The following FGD2 variants were observed in gnomAD, a reference collection of about 807,000 sequenced individuals.
FGD2 encodes the protein FYVE, RhoGEF and PH domain-containing protein 2.
Under a neutral mutation model 75.9 loss-of-function variants are expected in FGD2, and 52 were observed. The observed-to-expected ratio is 0.69, with a 90% CI of 0.55 to 0.86. The LOEUF (loss-of-function observed/expected upper bound fraction) is 0.86. Ranked by LOEUF, FGD2 falls within the 40% of genes least tolerant of loss-of-function variation. The probability of loss-of-function intolerance (pLI) is 0.00; values close to 1 mark genes in which losing one functional copy is unlikely to be tolerated. For synonymous variants in FGD2, 347 were observed against 348.6 expected, an observed-to-expected ratio of 1.00 and a Z score of 0.05; for missense variants, 790 against 872.0, an observed-to-expected ratio of 0.91 and a Z score of 1.18.
intron 9 of FGD2, among the ~76,000 whole-genome samples, chr6:37,019,263 C>T (rs1401226117): frequency 6.6e-6 from 1 of 152,220 alleles, no homozygotes; most frequent in Non-Finnish European, 1.5e-5. Context: ...GCCTGTCATC[C>T]CTTGCACACA....
chr6:37,006,001 C>G, intron 1 of FGD2, 116 bp downstream of exon 1: 2 of 1,171,642 alleles, frequency 1.7e-6, no homozygotes, highest in Non-Finnish European at 1.2e-6. Flanking sequence ...GGGGCAGCCC[C>G]GCGTTCCTCG....
intron 2 of FGD2, among the ~76,000 whole-genome samples, chr6:37,010,531 G>T (rs934467993): frequency 1.3e-5 from 2 of 152,222 alleles, no homozygotes; most frequent in African/African-American, 2.4e-5. Flanking sequence ...GATGGCTGGG[G>T]CTGGAATGCC....
Position 37,014,011 on chromosome 6 carries a change from C to A in FGD2, c.734C>A (p.Pro245Gln). 1 of 1,614,100 alleles carries A rather than the reference C, an allele frequency of 6.2e-7. No individual in the cohort carries two copies. Among genetic ancestry groups the A allele is most frequent in the South Asian group, 1.1e-5 (1 of 91,088 alleles). Reference sequence around the variant, plus strand: ...ACCCTGCAGCACCACATGCTGGAACCAGTGCAGAGAATTCCACGTTACGAG... The same window carrying A: ...ACCCTGCAGCACCACATGCTGGAACAAGTGCAGAGAATTCCACGTTACGAG... ...SLTLQHHMLE[P>Q]VQRIPRYELL... The change falls in exon 6 of 16, where the codon CCA (proline) becomes CAA (glutamine). Residue 245 changes from proline to glutamine, a missense_variant. By Grantham distance (76) the Pro-to-Gln change is moderately conservative. Transcript: ENST00000274963.
chr6:37,017,868 A>G (rs1227280117), intron 9 of FGD2, among the ~76,000 whole-genome samples: 21 of 152,188 alleles, frequency 1.4e-4, no homozygotes, highest in Admixed American at 1.4e-3. Context: ...GGTGGGGTGC[A>G]GCCTGGGAAT....
At chr6:37,016,621 C>T (rs1414484382) in intron 9 of FGD2, among the ~76,000 whole-genome samples, 2 of 151,870 alleles carry the variant, frequency 1.3e-5, no homozygotes, top group East Asian at 3.9e-4. Flanking sequence ...GCAACCTCCA[C>T]CTCCTGGGTT....
Position 37,008,978 on chromosome 6 carries a change from G to A in FGD2, c.213G>A (p.Arg71=), listed in dbSNP as rs760568970. Residue 71 remains arginine (R), a synonymous_variant, in exon 2 of 16, where the codon AGG becomes AGA. Coordinates refer to ENST00000274963, the MANE Select transcript of FGD2 (RefSeq NM_173558.4). ...VGSEPRTVSR[R]YLNSLKNKLS... ...CTGAGCCCAGGACAGTCAGCAGGAG[G>A]TACCTGAACTCCCTGAAGAACAAGC... 3 of 1,614,266 alleles carry A rather than the reference G, an allele frequency of 1.9e-6. No individual in the cohort carries two copies. The highest frequency in any genetic ancestry group is 1.1e-5 in the South Asian group (1 of 91,088).
chr6:37,015,399 C>T (rs554455749), intron 8 of FGD2, among the ~76,000 whole-genome samples: 14 of 152,264 alleles, frequency 9.2e-5, no homozygotes, highest in African/African-American at 2.4e-4. Context: ...CGGAAGAAGC[C>T]GGGGGATCTC....
At chr6:37,009,241 C>G (rs919334978) in intron 2 of FGD2, 176 bp downstream of exon 2, 4 of 618,056 alleles carry the variant, frequency 6.5e-6, no homozygotes, top group Non-Finnish European at 8.4e-6. Context: ...GATTCACTAA[C>G]TGCCTGCTAC....
In FGD2 at chr6:37,027,581, G is replaced by T. The variant is rs775924446; in HGVS notation, c.1752+6G>T. On this transcript the variant is annotated splice_donor_region_variant and intron_variant, in intron 15 of 15. Coordinates refer to ENST00000274963, the MANE Select transcript of FGD2 (RefSeq NM_173558.4). Reference sequence around the variant, plus strand: ...ATGTCTATGCTGCCCCTCAGGTAAGGCCACCACCTGCCCGCCCCCCGTCAG... The same window carrying T: ...ATGTCTATGCTGCCCCTCAGGTAAGTCCACCACCTGCCCGCCCCCCGTCAG... 6.2e-7 allele frequency: 1 copy of T among 1,613,766 alleles called. No homozygotes were observed. The highest frequency in any genetic ancestry group is 1.7e-5 in the Admixed American group (1 of 59,990).
At chr6:37,020,220 A>C (rs750100001) in intron 9 of FGD2, among the ~76,000 whole-genome samples, 1 of 152,248 alleles carries the variant, frequency 6.6e-6, no homozygotes, top group Non-Finnish European at 1.5e-5. Flanking sequence ...TGAACCTCAT[A>C]TACTCATCCA....
Position 37,021,466 on chromosome 6 carries a change from C to T in FGD2, c.1234-46C>T, listed in dbSNP as rs368749768. 248 of 1,529,842 alleles carry T rather than the reference C, an allele frequency of 1.6e-4. 1 individual carries two copies. In the African/African-American group the frequency reaches 2.8e-3, roughly 17 times the overall value. 94.8% of individuals were successfully genotyped at this position (1,529,842 alleles called of 1,614,324 possible). ...AAGGATGGACAGAGGAGCAATCCCT[C>T]CCTTCCACACCTCAAGCCCCGACCC... On this transcript the variant is annotated intron_variant, in intron 11 of 15. Coordinates refer to ENST00000274963, the MANE Select transcript of FGD2 (RefSeq NM_173558.4).
At position 37,027,512 on chromosome 6, in the gene FGD2, C is replaced by T. The variant is rs780207684; in HGVS notation, c.1689C>T (p.Pro563=). 1.2e-6 allele frequency: 2 copies of T among 1,614,024 alleles called. No homozygotes were observed. Among genetic ancestry groups the T allele is most frequent in the East Asian group, 2.2e-5 (1 of 44,890 alleles). Residue 563 remains proline (P), a synonymous_variant, in exon 15 of 16, where the codon CCC becomes CCT. Transcript: ENST00000274963. ...LIGDKWGKSG[P]RGWCVIPRDD... is the part of the protein sequence containing the mutation. Reference sequence around the variant, plus strand: ...GGGACAAGTGGGGCAAGAGCGGCCCCCGGGGCTGGTGTGTGATCCCTCGGG... The same window carrying T: ...GGGACAAGTGGGGCAAGAGCGGCCCTCGGGGCTGGTGTGTGATCCCTCGGG...
At chr6:37,016,258 T>G (rs1256714429) in intron 9 of FGD2, among the ~76,000 whole-genome samples, 1 of 152,172 alleles carries the variant, frequency 6.6e-6, no homozygotes, top group Non-Finnish European at 1.5e-5. Flanking sequence ...CCAGTTAAGA[T>G]GGGCTGACAA....
chr6:37,025,969 C>G (rs749235051), intron 14 of FGD2, 31 bp downstream of exon 14: 2 of 1,611,618 alleles, frequency 1.2e-6, no homozygotes, highest in African/African-American at 1.3e-5. Context: ...GCTCACCATC[C>G]GTCCTCTGTT....
In FGD2 at chr6:37,025,797, G is replaced by A. The variant is rs1765791347; in HGVS notation, c.1464G>A (p.Val488=). 9 of 1,614,194 alleles carry A rather than the reference G, an allele frequency of 5.6e-6. No individual in the cohort carries two copies. The highest frequency in any genetic ancestry group is 7.6e-6 in the Non-Finnish European group (9 of 1,180,038). Residue 488 remains valine (V), a synonymous_variant, in exon 14 of 16, where the codon GTG becomes GTA. Coordinates refer to ENST00000274963, the MANE Select transcript of FGD2 (RefSeq NM_173558.4). ...CCCTTATGTGTCCTCCTCAGGTGGT[G>A]TGTGCCAGGTGCTCCGACTACCGGG... ...RHHCRACGYV[V]CARCSDYRAE... is the part of the protein sequence containing the mutation.
chr6:37,005,920 G>T (rs1764726972), intron 1 of FGD2, 35 bp downstream of exon 1: 1 of 1,607,480 alleles, frequency 6.2e-7, no homozygotes, highest in Admixed American at 1.7e-5. Flanking sequence ...TCACCATGGT[G>T]GGCTGGCAGC....
Position 37,025,813 on chromosome 6 carries a change from G to C in FGD2, c.1480G>C (p.Asp494His), listed in dbSNP as rs75108162. 6.2e-7 allele frequency: 1 copy of C among 1,614,086 alleles called. No individual in the cohort carries two copies. Among genetic ancestry groups the C allele is most frequent in the South Asian group, 1.1e-5 (1 of 91,076 alleles). ...TCAGGTGGTGTGTGCCAGGTGCTCC[G>C]ACTACCGGGCCGAACTGAAATACGA... ...CGYVVCARCS[D>H]YRAELKYDDN... The change falls in exon 14 of 16, where the codon GAC becomes CAC. Residue 494 changes from aspartate to histidine, a missense_variant. Asp to His is a moderately conservative substitution (Grantham distance 81, BLOSUM62 -1). Transcript: ENST00000274963.
chr6:37,010,891 A>G, intron 2 of FGD2, 82 bp from the exon 3 acceptor site: 1 of 1,372,280 alleles, frequency 7.3e-7, no homozygotes, highest in Middle Eastern at 1.8e-4. Context: ...GCAACTTTGG[A>G]GACTGAACCG....
chr6:37,027,973 C>A lies in FGD2; in HGVS notation c.1778C>A (p.Pro593His). Residue 593 changes from proline to histidine, a missense_variant, in exon 16 of 16, where the codon CCC becomes CAC. Pro to His is a moderately conservative substitution (Grantham distance 77). Transcript: ENST00000274963. ...PQDMRAHTSI[P>H]LLGYQVTVGP... ...GACATGAGGGCTCACACCTCCATCC[C>A]CCTGCTGGGCTACCAGGTGACTGTT... The A allele has an allele frequency of 6.2e-7, 1 of 1,614,072 alleles. No homozygotes were observed. The highest frequency in any genetic ancestry group is 8.5e-7 in the Non-Finnish European group (1 of 1,180,018).
Sources: gnomAD v4.1 joint callset for allele counts (sites outside exome capture counted in the v4.1 genomes callset) on GRCh38, gnomAD v4.1.1 for gene constraint, MANE v1.5 for transcripts, NCBI Gene and HGNC (gene_info 2026-07-23, HGNC 2026-07-21) for gene names.